Variants in PCDH15 observed in about 807,000 individuals in gnomAD.
PCDH15 encodes protocadherin-15.
PCDH15 carries 129 observed loss-of-function variants against 178.5 expected under a neutral mutation model. That is an observed-to-expected ratio of 0.72 (90% CI 0.63 to 0.84). The LOEUF is 0.84. PCDH15 is among the 40% of genes least tolerant of loss of function. The probability of loss-of-function intolerance (pLI) is 0.00; values close to 1 mark genes in which losing one functional copy is unlikely to be tolerated. For synonymous variants in PCDH15, 800 were observed against 732.0 expected (o/e 1.09, Z -1.50); for missense variants, 2,230 against 2,099.9 (o/e 1.06, Z -1.21).
intron 1 of PCDH15, among the ~76,000 whole-genome samples, chr10:55,265,807 T>A (rs980195155): frequency 8.5e-5 from 13 of 152,136 alleles, no homozygotes; most frequent in African/African-American, 3.1e-4. Flanking sequence ...AAAGGATACA[T>A]GCATTACTCA....
chr10:55,481,885 CTT>C (rs1840189110), intron 2 of PCDH15, among the ~76,000 whole-genome samples: 1 of 151,690 alleles, frequency 6.6e-6, no homozygotes. Context: ...TCCTGAATAT[CTT>C]TGTTAATTTT....
At chr10:55,211,775 T>C (rs1840578381) in intron 1 of PCDH15, among the ~76,000 whole-genome samples, 1 of 152,108 alleles carries the variant, frequency 6.6e-6, no homozygotes, top group African/African-American at 2.4e-5. Flanking sequence ...GTTACTATAA[T>C]GAGTTAACCC....
At chr10:54,421,954 T>C (rs145077221) in intron 3 of PCDH15, among the ~76,000 whole-genome samples, 2,967 of 94,190 alleles carry the variant, frequency 0.032, 219 homozygotes, top group African/African-American at 0.12. Flanking sequence ...TAAAAATATA[T>C]ATATATATAT....
At chr10:54,988,740 A>G (rs1839431907) in intron 2 of PCDH15, among the ~76,000 whole-genome samples, 2 of 152,218 alleles carry the variant, frequency 1.3e-5, no homozygotes, top group African/African-American at 4.8e-5. Context: ...AGGGAAGCAG[A>G]GCATTAAGTT....
chr10:54,612,485 A>T (rs1259479928), intron 2 of PCDH15, among the ~76,000 whole-genome samples: 2 of 151,754 alleles, frequency 1.3e-5, no homozygotes, highest in Non-Finnish European at 3.0e-5. Context: ...TATGTAGATA[A>T]ATTTTGGATC....
intron 2 of PCDH15, among the ~76,000 whole-genome samples, chr10:55,157,557 A>T (rs1838924213): frequency 6.6e-6 from 1 of 150,526 alleles, no homozygotes; most frequent in Non-Finnish European, 1.5e-5. Flanking sequence ...AACCAACCCA[A>T]ATGTCCAACA....
At chr10:55,100,262 T>C (rs918596876) in intron 2 of PCDH15, among the ~76,000 whole-genome samples, 1 of 152,158 alleles carries the variant, frequency 6.6e-6, no homozygotes, top group African/African-American at 2.4e-5. Context: ...TCTTTAGCTT[T>C]CAAAAAATTT....
At position 54,348,764 on chromosome 10, in the gene PCDH15, T is replaced by C. The variant is rs894507701; in HGVS notation, c.475-2280A>G. The stretch of plus-strand genomic sequence containing the variant: ...TAACTATAGTTACCATGTTGTACAA[T>C]AGATTTATTGAATTTATTAGTTCAA... On this transcript the variant is annotated intron_variant, in intron 5 of 37. Coordinates refer to ENST00000644397, the MANE Select transcript of PCDH15 (RefSeq NM_001384140.1). Among the ~76,000 whole-genome samples the C allele has an allele frequency of 3.3e-5, 5 of 152,344 alleles. No individual in the cohort carries two copies. In the East Asian group the frequency reaches 9.6e-4, roughly 29 times the overall value.
intron 3 of PCDH15, among the ~76,000 whole-genome samples, chr10:54,419,239 T>C (rs1178220764): frequency 2.4e-5 from 2 of 83,196 alleles, no homozygotes; most frequent in Middle Eastern, 8.6e-3. Context: ...TATACATATA[T>C]ACATACACAC....
chr10:54,139,952 A>G (rs1208780572), intron 14 of PCDH15, among the ~76,000 whole-genome samples: 1 of 152,058 alleles, frequency 6.6e-6, no homozygotes, highest in Non-Finnish European at 1.5e-5. Context: ...CTAAGACAAA[A>G]CAAAAGTCCA....
intron 18 of PCDH15, among the ~76,000 whole-genome samples, chr10:54,054,426 G>C (rs2093840552): frequency 6.6e-6 from 1 of 152,156 alleles, no homozygotes; most frequent in East Asian, 1.9e-4. Context: ...GAGACAGAGA[G>C]AGATCCTATA....
chr10:53,968,048 T>G (rs1589674733), intron 21 of PCDH15, among the ~76,000 whole-genome samples: 1 of 151,880 alleles, frequency 6.6e-6, no homozygotes, highest in Non-Finnish European at 1.5e-5. Context: ...TGGAGCAGGG[T>G]GGGGCATTGC....
At position 54,681,974 on chromosome 10, in the gene PCDH15, G is replaced by A. The variant is rs569886533; in HGVS notation, c.-28-17684C>T. Among the ~76,000 whole-genome samples the A allele has an allele frequency of 1.8e-4, 27 of 152,244 alleles. No individual in the cohort carries two copies. In the South Asian group the frequency reaches 5.0e-3, roughly 28 times the overall value. ...AGGTCCAGGATAGGTGGAAGTTTGC[G>A]GATGAGAAAGATGTATCGGAGCTTT... is the stretch of plus-strand genomic sequence containing the variant. On this transcript the variant is annotated intron_variant, in intron 1 of 37. Transcript: ENST00000644397.
At chr10:54,587,908 AG>A (rs2091611079) in intron 2 of PCDH15, among the ~76,000 whole-genome samples, 1 of 152,220 alleles carries the variant, frequency 6.6e-6, no homozygotes. Context: ...TTTTATTCCC[AG>A]TGTAAATTCC....
rs142075136 is a variant in PCDH15, at chr10:53,806,028, C to G, written c.*551G>C. 2 of 146,366 alleles carry G rather than the reference C, an allele frequency of 1.4e-5. No homozygotes were observed. Among genetic ancestry groups the G allele is most frequent in the Non-Finnish European group, 2.9e-5 (2 of 67,972 alleles). The allele number at this position is 146,366 out of a possible 1,614,324, so 9.1% of individuals were successfully genotyped here. A position where few individuals can be genotyped will look rare whatever the true frequency, so the allele number is the denominator to read the frequency against. ...TATACAGGACAATAAAGAAAGAAAA[C>G]AAGCTCATGATTTAAAATAATTAAT... On this transcript the variant is annotated 3_prime_UTR_variant, in exon 38 of 38. Coordinates refer to ENST00000644397, the MANE Select transcript of PCDH15 (RefSeq NM_001384140.1).
At chr10:54,148,955 T>C (rs937012923) in intron 14 of PCDH15, among the ~76,000 whole-genome samples, 2 of 152,042 alleles carry the variant, frequency 1.3e-5, no homozygotes, top group African/African-American at 4.8e-5. Context: ...TAAGTCTAAG[T>C]TTCTTATAAA....
At chr10:55,409,680 G>T (rs751872914) in intron 2 of PCDH15, among the ~76,000 whole-genome samples, 16 of 151,970 alleles carry the variant, frequency 1.1e-4, no homozygotes, top group Non-Finnish European at 2.9e-5. Context: ...AAATAGAAAA[G>T]AAAAATCTAT....
chr10:55,150,392 C>T (rs1374197073), intron 2 of PCDH15, among the ~76,000 whole-genome samples: 1 of 152,018 alleles, frequency 6.6e-6, no homozygotes, highest in Non-Finnish European at 1.5e-5. Context: ...TTTTTGGCAC[C>T]AGCAAAGTCA....
At chr10:54,734,335 GC>G (rs2132699176) in intron 1 of PCDH15, among the ~76,000 whole-genome samples, 1 of 151,926 alleles carries the variant, frequency 6.6e-6, no homozygotes, top group Non-Finnish European at 1.5e-5. Flanking sequence ...TTAGGGGCAT[GC>G]AAATTGAAAC....
Sources: gnomAD v4.1 joint callset for allele counts (sites outside exome capture counted in the v4.1 genomes callset) on GRCh38, gnomAD v4.1.1 for gene constraint, MANE v1.5 for transcripts, NCBI Gene and HGNC (gene_info 2026-07-23, HGNC 2026-07-21) for gene names.